ROR1: variants seen among roughly 807,000 people sequenced by gnomAD.
ROR1 encodes inactive tyrosine-protein kinase transmembrane receptor ROR1.
A neutral mutation model predicts 78.8 loss-of-function variants in ROR1; 19 were observed. That is an observed-to-expected ratio of 0.24 (90% CI 0.17 to 0.35). The LOEUF (loss-of-function observed/expected upper bound fraction) is 0.35, where lower values mean the gene tolerates loss of function less well. ROR1 is among the 10% of genes least tolerant of loss of function. The probability of loss-of-function intolerance (pLI) is 1.00; values close to 1 mark genes in which losing one functional copy is unlikely to be tolerated. For missense variants in ROR1, 917 were observed against 1,177.8 expected (o/e 0.78, Z 3.24); for synonymous variants, 386 against 433.6 (o/e 0.89, Z 1.36).
In ROR1 at chr1:63,905,216, C is replaced by T. The variant is rs367972060; in HGVS notation, c.92-104089C>T. 3.3e-5 allele frequency among the ~76,000 whole-genome samples: 5 copies of T among 152,294 alleles called. No individual in the cohort carries two copies. In the East Asian group the frequency reaches 9.7e-4, roughly 29 times the overall value. ...TTCTGGATTCAATAGTGCAGTTGAA[C>T]TAGGAATCTCTGAAGCCATTTCCAT... On this transcript the variant is annotated intron_variant, in intron 1 of 8. Coordinates refer to ENST00000371079, the MANE Select transcript of ROR1 (RefSeq NM_005012.4).
intron 1 of ROR1, among the ~76,000 whole-genome samples, chr1:63,847,890 T>C (rs1407202451): frequency 6.6e-6 from 1 of 152,206 alleles, no homozygotes; most frequent in Non-Finnish European, 1.5e-5. Context: ...TCTTCTGTGA[T>C]GTGGAGAATG....
chr1:63,882,384 C>T (rs1461017308), intron 1 of ROR1, among the ~76,000 whole-genome samples: 2 of 152,148 alleles, frequency 1.3e-5, no homozygotes, highest in African/African-American at 4.8e-5. Context: ...CCCTTTAGAG[C>T]TCTGGCCTCT....
intron 4 of ROR1, among the ~76,000 whole-genome samples, chr1:64,118,632 C>CAAAA (rs3084938): frequency 2.6e-4 from 17 of 65,848 alleles, no homozygotes; most frequent in African/African-American, 2.8e-4. Flanking sequence ...GACTCCATCT[C>CAAAA]AAAAAAAAAA....
intron 1 of ROR1, among the ~76,000 whole-genome samples, chr1:63,853,677 G>A (rs1448336405): frequency 6.6e-6 from 1 of 152,100 alleles, no homozygotes; most frequent in Non-Finnish European, 1.5e-5. Context: ...TCTGTAAATT[G>A]AACATTAAAC....
In ROR1 at chr1:63,965,186, C is replaced by T. The variant is rs562529311; in HGVS notation, c.92-44119C>T. Among the ~76,000 whole-genome samples, 359 of 152,224 alleles carry T rather than the reference C, an allele frequency of 2.4e-3. 1 individual carries two copies. Among genetic ancestry groups the T allele is most frequent in the Non-Finnish European group, 4.4e-3 (298 of 68,018 alleles). On this transcript the variant is annotated intron_variant, in intron 1 of 8. Coordinates refer to ENST00000371079, the MANE Select transcript of ROR1 (RefSeq NM_005012.4). ...CAGAGAAGTTAAGAAATTTGCCCAA[C>T]GTTAACACAGCTGGTAAATGGCAGA... is the stretch of plus-strand genomic sequence containing the variant.
At chr1:64,149,112 G>T (rs1031230673) in intron 7 of ROR1, among the ~76,000 whole-genome samples, 1 of 152,134 alleles carries the variant, frequency 6.6e-6, no homozygotes, top group Non-Finnish European at 1.5e-5. Context: ...ACTGCTTGTT[G>T]AATACTGTGC....
rs76861901 is a variant in ROR1 at position 64,102,977 on chromosome 1, G to C, written c.483-34392G>C. The stretch of plus-strand genomic sequence containing the variant: ...AATCACCCCCCTGTTGAGAATCATT[G>C]GTCCAGATGAGGAAGTCCCAGGCCA... On this transcript the variant is annotated intron_variant, in intron 4 of 8. Transcript: ENST00000371079. Among the ~76,000 whole-genome samples, 1,377 of 152,242 alleles carry C rather than the reference G, an allele frequency of 9.0e-3. 17 individuals carry two copies. Among genetic ancestry groups the C allele is most frequent in the African/African-American group, 0.032 (1,334 of 41,550 alleles).
intron 1 of ROR1, among the ~76,000 whole-genome samples, chr1:63,855,380 A>G (rs952242628): frequency 1.3e-5 from 2 of 152,194 alleles, no homozygotes; most frequent in Non-Finnish European, 2.9e-5. Context: ...GGCAATTATT[A>G]AATACTATAT....
intron 1 of ROR1, among the ~76,000 whole-genome samples, chr1:63,781,044 T>TG (rs754958300): frequency 1.3e-5 from 2 of 152,104 alleles, no homozygotes; most frequent in African/African-American, 2.4e-5. Flanking sequence ...AGAAGAGTAA[T>TG]GAAGCGTGTG....
chr1:63,780,755 A>G (rs1026499347), intron 1 of ROR1, among the ~76,000 whole-genome samples: 1 of 152,202 alleles, frequency 6.6e-6, no homozygotes, highest in African/African-American at 2.4e-5. Flanking sequence ...CAGTTTTGCA[A>G]TGCCTTAAAA....
chr1:63,972,163 T>C (rs1363931866), intron 1 of ROR1, among the ~76,000 whole-genome samples: 1 of 152,182 alleles, frequency 6.6e-6, no homozygotes. Context: ...TCTATATTTG[T>C]TGTGCTTATA....
intron 1 of ROR1, among the ~76,000 whole-genome samples, chr1:63,796,518 GT>G (rs201685816): frequency 6.6e-6 from 1 of 152,094 alleles, no homozygotes; most frequent in Non-Finnish European, 1.5e-5. Flanking sequence ...ATTATTTTGT[GT>G]TTTTTTCCAA....
At chr1:63,922,386 A>T (rs568285406) in intron 1 of ROR1, among the ~76,000 whole-genome samples, 1 of 152,304 alleles carries the variant, frequency 6.6e-6, no homozygotes, top group African/African-American at 2.4e-5. Flanking sequence ...TTAGTAGGTC[A>T]AAACACGTGA....
chr1:63,871,042 G>A (rs1043600171), intron 1 of ROR1, among the ~76,000 whole-genome samples: 1 of 152,174 alleles, frequency 6.6e-6, no homozygotes, highest in Non-Finnish European at 1.5e-5. Flanking sequence ...TATTAAACTG[G>A]ATAATGCAAA....
chr1:64,102,695 C>T (rs765498849), intron 4 of ROR1, among the ~76,000 whole-genome samples: 8 of 152,188 alleles, frequency 5.3e-5, no homozygotes, highest in African/African-American at 1.9e-4. Flanking sequence ...AGGGTTTGAT[C>T]GCCTTCGCTT....
intron 4 of ROR1, among the ~76,000 whole-genome samples, chr1:64,112,570 AGTGAACTTTGTAGAATAGGATGCAGCTG>A (rs1451402346): frequency 6.6e-6 from 1 of 152,156 alleles, no homozygotes; most frequent in Non-Finnish European, 1.5e-5. Flanking sequence ...CTCAGTCACC[AGTGAACTTTGTAGAATAGGATGCAGCTG>A]GTTACCCTTT....
intron 1 of ROR1, among the ~76,000 whole-genome samples, chr1:63,835,796 A>G (rs893894803): frequency 6.6e-6 from 1 of 152,246 alleles, no homozygotes; most frequent in Non-Finnish European, 1.5e-5. Context: ...GGGTGCACAC[A>G]GTAATGTGGA....
intron 1 of ROR1, among the ~76,000 whole-genome samples, chr1:63,932,627 T>A (rs1381906504): frequency 6.6e-6 from 1 of 152,182 alleles, no homozygotes; most frequent in African/African-American, 2.4e-5. Context: ...TTACCTTACC[T>A]GATTCTCAGA....
chr1:63,958,218 CTA>C (rs1239062737), intron 1 of ROR1, among the ~76,000 whole-genome samples: 1 of 152,134 alleles, frequency 6.6e-6, no homozygotes, highest in Non-Finnish European at 1.5e-5. Context: ...TGCCCTCTGC[CTA>C]TGTTTTCTTT....
Sources: gnomAD v4.1 joint callset for allele counts (sites outside exome capture counted in the v4.1 genomes callset) on GRCh38, gnomAD v4.1.1 for gene constraint, MANE v1.5 for transcripts, NCBI Gene and HGNC (gene_info 2026-07-23, HGNC 2026-07-21) for gene names.